Variants in ZNF878 observed in about 807,000 individuals in gnomAD.
The protein encoded by ZNF878 is zinc finger protein 878.
Under a neutral mutation model 11.1 loss-of-function variants are expected in ZNF878, and 10 were observed. The observed-to-expected ratio is 0.90, with a 90% CI of 0.56 to 1.53. The LOEUF (loss-of-function observed/expected upper bound fraction) is 1.53. ZNF878 is among the 40% of genes most tolerant of loss of function. ZNF878 has a pLI of 0.00. For synonymous variants in ZNF878, 165 were observed against 209.7 expected (o/e 0.79, Z 1.84); for missense variants, 548 against 626.1 (o/e 0.88, Z 1.33).
chr19:12,044,461 T>C lies in ZNF878; in HGVS notation c.940A>G (p.Lys314Glu). Residue 314 changes from lysine to glutamate, a missense_variant, in exon 4 of 4, where the codon AAG (lysine) becomes GAG (glutamate). Physicochemically the swap from Lys to Glu is moderately conservative, Grantham distance 56. Around this residue, in one of 3 missense-constraint regions of ZNF878, gnomAD observed 335 missense variants for 358.2 expected, o/e 0.94. Coordinates refer to ENST00000547628, the MANE Select transcript of ZNF878 (RefSeq NM_001080404.3). ...GAAATAAATCCCTTACCACATAGCT[T>C]ACACTCATAGGGTTTCTCTCCAGTG... ...KHTGEKPYEC[K>E]LCGKGFISST... The C allele has an allele frequency of 6.2e-7, 1 of 1,614,046 alleles. No homozygotes were observed. The highest frequency in any genetic ancestry group is 8.5e-7 in the Non-Finnish European group (1 of 1,179,990).
chr19:12,048,142 T>C (rs977944699), intron 1 of ZNF878, among the ~76,000 whole-genome samples: 5 of 152,184 alleles, frequency 3.3e-5, no homozygotes, highest in Non-Finnish European at 7.3e-5. Flanking sequence ...CCTTTTGGTA[T>C]AACATGAAAG....
chr19:12,044,641 G>A lies in ZNF878; in HGVS notation c.760C>T (p.Arg254Cys), dbSNP rs146263400. The A allele has an allele frequency of 2.6e-4, 420 of 1,614,046 alleles. No individual in the cohort carries two copies. In the African/African-American group the frequency reaches 3.5e-3, roughly 13 times the overall value. The change falls in exon 4 of 4, where the codon CGC becomes TGC. Residue 254 changes from arginine (R) to cysteine (C), a missense_variant. Around this residue, in one of 3 missense-constraint regions of ZNF878, gnomAD observed 335 missense variants for 358.2 expected, o/e 0.94. Transcript: ENST00000547628. Reference sequence around the variant, plus strand: ...TTATCACATTGCTTGCATTTATAGCGTTTCTCTCCAGTGTGACTTTTCTCG... The same window carrying A: ...TTATCACATTGCTTGCATTTATAGCATTTCTCTCCAGTGTGACTTTTCTCG... ...RHEKSHTGEKRYKCKQCDKAF... is the reference protein window; with the variant it reads ...RHEKSHTGEKCYKCKQCDKAF...
chr19:12,043,727 G>A, downstream of ZNF878: 6 of 1,359,064 alleles, frequency 4.4e-6, no homozygotes, highest in Non-Finnish European at 5.0e-6. Context: ...AGGTGTCTCT[G>A]CAGTGAATCC....
At position 12,044,950 on chromosome 19, in the gene ZNF878, C is replaced by A. The variant is rs765155044; in HGVS notation, c.451G>T (p.Ala151Ser). The stretch of plus-strand genomic sequence containing the variant: ...CGAACAGAACTGGGAAACCTGAATG[C>A]TTTCCCACATTCCTTACATTCATAA... ...KPYECKECGKAFRFPSSVRRH... is the reference protein window; with the variant it reads ...KPYECKECGKSFRFPSSVRRH... Residue 151 changes from alanine to serine, a missense_variant, in exon 4 of 4, where the codon GCA becomes TCA. Around this residue, in one of 3 missense-constraint regions of ZNF878, gnomAD observed 160 missense variants for 173.3 expected, o/e 0.92. Transcript: ENST00000547628. 6.2e-7 allele frequency: 1 copy of A among 1,614,056 alleles called. No homozygotes were observed. Among genetic ancestry groups the A allele is most frequent in the African/African-American group, 1.3e-5 (1 of 74,928 alleles).
chr19:12,044,956 C>T lies in ZNF878; in HGVS notation c.445G>A (p.Gly149Arg). 6.2e-7 allele frequency: 1 copy of T among 1,614,132 alleles called. No homozygotes were observed. Among genetic ancestry groups the T allele is most frequent in the Non-Finnish European group, 8.5e-7 (1 of 1,180,026 alleles). The change falls in exon 4 of 4, where the codon GGG becomes AGG. Residue 149 changes from glycine (G) to arginine (R), a missense_variant. Gly to Arg is a moderately radical substitution (Grantham distance 125, BLOSUM62 -2). This residue lies in a region of ZNF878 where 160 missense variants were observed against 173.3 expected (regional missense o/e 0.92). Transcript: ENST00000547628. ...GEKPYECKEC[G>R]KAFRFPSSVR... is the part of the protein sequence containing the mutation. ...GAACTGGGAAACCTGAATGCTTTCC[C>T]ACATTCCTTACATTCATAAGGCTTT...
rs1975565830 is a variant in ZNF878, at chr19:12,052,932, A to G, written c.-131T>C. Reference sequence around the variant, plus strand: ...CCCTCTCGGAGCAAGAAAGCCCCAGACCTTAACTAGCGCGAGCAGCCCTAG... The same window carrying G: ...CCCTCTCGGAGCAAGAAAGCCCCAGGCCTTAACTAGCGCGAGCAGCCCTAG... On this transcript the variant is annotated 5_prime_UTR_variant, in exon 1 of 4. Transcript: ENST00000547628. 1 of 1,402,410 alleles carries G rather than the reference A, an allele frequency of 7.1e-7. No homozygotes were observed. Among genetic ancestry groups the G allele is most frequent in the African/African-American group, 1.4e-5 (1 of 70,242 alleles). 86.9% of individuals were successfully genotyped at this position (1,402,410 alleles called of 1,614,324 possible).
chr19:12,047,645 A>G (rs1407838851), intron 1 of ZNF878, among the ~76,000 whole-genome samples: 1 of 151,890 alleles, frequency 6.6e-6, no homozygotes, highest in East Asian at 1.9e-4. Flanking sequence ...CCTTTCTGGG[A>G]AACTGTATGT....
chr19:12,050,816 C>A (rs1198896525), intron 1 of ZNF878, among the ~76,000 whole-genome samples: 1 of 152,050 alleles, frequency 6.6e-6, no homozygotes, highest in Non-Finnish European at 1.5e-5. Context: ...GAAAACCGGC[C>A]GCGCGCGGTG....
chr19:12,046,172 A>G (rs1454573913), intron 3 of ZNF878, 196 bp downstream of exon 3: 9 of 503,478 alleles, frequency 1.8e-5, no homozygotes, highest in Non-Finnish European at 2.4e-5. Context: ...GGTTCAAGCG[A>G]TCTTCCATCC....
chr19:12,045,877 G>A (rs930574602), intron 3 of ZNF878, among the ~76,000 whole-genome samples: 1 of 151,226 alleles, frequency 6.6e-6, no homozygotes, highest in African/African-American at 2.4e-5. Flanking sequence ...GCACCACCAC[G>A]CCCAGCTAAT....
In ZNF878 at chr19:12,046,420, A is replaced by ATTTTTTTT; in HGVS notation, c.138_139insAAAAAAAA (p.Trp47LysfsTer20). On this transcript the variant is annotated frameshift_variant, in exon 3 of 4. Coordinates refer to ENST00000547628, the MANE Select transcript of ZNF878 (RefSeq NM_001080404.3). LOFTEE classifies it high-confidence loss of function. ...TCATCTTCAATGTACTGGTTGTTCC[A>ATTTTTTTT]TTTTTTTCCTAAAATGCGGACCCAG... The ATTTTTTTT allele has an allele frequency of 6.3e-7, 1 of 1,575,744 alleles. No homozygotes were observed. Among genetic ancestry groups the ATTTTTTTT allele is most frequent in the Non-Finnish European group, 8.6e-7 (1 of 1,160,630 alleles).
At chr19:12,045,321 G>A in intron 3 of ZNF878, 112 bp from the exon 4 acceptor site, 3 of 900,370 alleles carry the variant, frequency 3.3e-6, no homozygotes, top group Non-Finnish European at 4.9e-6. Context: ...TTTCTGTCCT[G>A]TCTGAACATG....
intron 1 of ZNF878, among the ~76,000 whole-genome samples, 181 bp downstream of exon 1, chr19:12,052,618 C>T (rs1472044984): frequency 6.6e-6 from 1 of 152,188 alleles, no homozygotes; most frequent in Non-Finnish European, 1.5e-5. Context: ...CGCCCGGGGT[C>T]CCGGCTGCCG....
intron 1 of ZNF878, among the ~76,000 whole-genome samples, chr19:12,052,491 C>G (rs1488012336): frequency 1.3e-5 from 2 of 152,252 alleles, no homozygotes; most frequent in East Asian, 3.8e-4. Context: ...GCAGGATCCC[C>G]CATGACCCTT....
At chr19:12,052,709 A>C in intron 1 of ZNF878, 90 bp downstream of exon 1, 4 of 1,464,698 alleles carry the variant, frequency 2.7e-6, no homozygotes, top group Admixed American at 2.0e-5. Flanking sequence ...GAGTCGCTGC[A>C]GGGGGGCCCG....
chr19:12,046,573 C>G, intron 2 of ZNF878, 61 bp downstream of exon 2: 2 of 1,610,894 alleles, frequency 1.2e-6, no homozygotes, highest in South Asian at 2.2e-5. Context: ...CTCAACAGCA[C>G]TGATGAGCTA....
chr19:12,047,363 A>G (rs1975504034), intron 1 of ZNF878, among the ~76,000 whole-genome samples: 1 of 151,936 alleles, frequency 6.6e-6, no homozygotes, highest in Admixed American at 6.6e-5. Context: ...CAGGAGTTTG[A>G]GACCAACCTG....
intron 3 of ZNF878, 168 bp downstream of exon 3, chr19:12,046,199 TG>T: frequency 1.8e-6 from 1 of 552,202 alleles, no homozygotes; most frequent in South Asian, 3.1e-5. Context: ...CCAAAAGGGC[TG>T]GATTATACAC....
intron 2 of ZNF878, 77 bp from the exon 3 acceptor site, chr19:12,046,505 G>A (rs767452806): frequency 5.0e-5 from 78 of 1,551,328 alleles, no homozygotes; most frequent in Non-Finnish European, 6.1e-5. Flanking sequence ...CTATGTCCAT[G>A]GCTCATTGCA....
Sources: gnomAD v4.1 joint callset for allele counts (sites outside exome capture counted in the v4.1 genomes callset) on GRCh38, gnomAD v4.1.1 for gene constraint, gnomAD v4.1.1 regional missense constraint, MANE v1.5 for transcripts, NCBI Gene and HGNC (gene_info 2026-07-23, HGNC 2026-07-21) for gene names.